The following C3orf22 variants were observed in gnomAD, a reference collection of about 807,000 sequenced individuals.
The protein encoded by C3orf22 is chromosome 3 open reading frame 22, also known as uncharacterized protein C3orf22.
Under a neutral mutation model 10.8 loss-of-function variants are expected in C3orf22, and 7 were observed. That is an observed-to-expected ratio of 0.65 (90% CI 0.37 to 1.22). The LOEUF (loss-of-function observed/expected upper bound fraction) is 1.22. C3orf22 is among the 50% of genes most tolerant of loss of function. The pLI is 0.02. For synonymous variants in C3orf22, 79 were observed against 78.9 expected (o/e 1.00, Z 0.00); for missense variants, 173 against 177.0 (o/e 0.98, Z 0.13).
At chr3:126,548,711 C>A (rs1937111816), downstream of C3orf22, among the ~76,000 whole-genome samples, 1 of 152,114 alleles carries the variant, frequency 6.6e-6, no homozygotes, top group African/African-American at 2.4e-5. Flanking sequence ...ACAGTGCAGC[C>A]CGGTCACCCT....
chr3:126,531,390 C>T lies in C3orf22; in HGVS notation c.287-2018G>A, dbSNP rs113115159. On this transcript the variant is annotated intron_variant and NMD_transcript_variant, in intron 4 of 5. Transcript: ENST00000505070. ...TCTCAAGTGAATAGATTCTTCTTAG[C>T]GACATTTATAGACTCTTCATTTGGT... 9.5e-4 allele frequency among the ~76,000 whole-genome samples: 145 copies of T among 152,348 alleles called. 1 individual carries two copies. Among genetic ancestry groups the T allele is most frequent in the African/African-American group, 3.4e-3 (141 of 41,574 alleles).
In C3orf22 at chr3:126,555,568, T is replaced by C. The variant is rs1330772140; in HGVS notation, c.-40-2138A>G. On this transcript the variant is annotated intron_variant, in intron 1 of 3. Transcript: ENST00000318225. Reference sequence around the variant, plus strand: ...CGCAGGCCCCATTATGAACTGAGCATGTGGGGAATCTAGGCTGCATGCTCC... The same window carrying C: ...CGCAGGCCCCATTATGAACTGAGCACGTGGGGAATCTAGGCTGCATGCTCC... Among the ~76,000 whole-genome samples, 3 of 152,178 alleles carry C rather than the reference T, an allele frequency of 2.0e-5. No individual in the cohort carries two copies. In the East Asian group the frequency reaches 5.8e-4, roughly 29 times the overall value.
At chr3:126,556,947 CAT>C (rs1937357356) in intron 1 of C3orf22, among the ~76,000 whole-genome samples, 1 of 151,490 alleles carries the variant, frequency 6.6e-6, no homozygotes, top group Non-Finnish European at 1.5e-5. Flanking sequence ...CTCACACACT[CAT>C]ACACACAGAC....
intron 4 of C3orf22, chr3:126,542,645 G>T: frequency 2.1e-6 from 3 of 1,400,522 alleles, no homozygotes; most frequent in Non-Finnish European, 2.8e-6. Context: ...GGGAATGCAG[G>T]TGCTGCCGGC....
At chr3:126,542,072 C>G (rs1936971764) in intron 4 of C3orf22, 1 of 1,583,640 alleles carries the variant, frequency 6.3e-7, no homozygotes. Context: ...CCTGTTCGTG[C>G]GGGAGCCCTT....
At chr3:126,538,532 C>T (rs961576318) in intron 4 of C3orf22, among the ~76,000 whole-genome samples, 10 of 152,380 alleles carry the variant, frequency 6.6e-5, no homozygotes, top group African/African-American at 2.4e-4. Context: ...TGAAGCTGGG[C>T]TCATGCCCTG....
intron 4 of C3orf22, among the ~76,000 whole-genome samples, chr3:126,537,357 G>A (rs1936818574): frequency 6.6e-6 from 1 of 152,232 alleles, no homozygotes; most frequent in Non-Finnish European, 1.5e-5. Context: ...AGGCCCTGCA[G>A]GTGTGCAAGG....
chr3:126,547,886 G>A (rs1937095354), downstream of C3orf22, among the ~76,000 whole-genome samples: 1 of 152,118 alleles, frequency 6.6e-6, no homozygotes, highest in South Asian at 2.1e-4. Flanking sequence ...AAAAGAGAAT[G>A]GACACATCAT....
intron 1 of C3orf22, among the ~76,000 whole-genome samples, chr3:126,554,948 C>T (rs745861219): frequency 2.0e-5 from 3 of 152,310 alleles, no homozygotes; most frequent in Middle Eastern, 3.4e-3. Context: ...GCCCTAGGTC[C>T]GTGCTGTCCG....
downstream of C3orf22, among the ~76,000 whole-genome samples, chr3:126,548,795 G>A (rs1385056654): frequency 6.6e-6 from 1 of 152,216 alleles, no homozygotes; most frequent in Non-Finnish European, 1.5e-5. Flanking sequence ...CCTGCCCCCA[G>A]GGCCTGGGAA....
At chr3:126,536,984 G>A (rs1020647975) in intron 4 of C3orf22, among the ~76,000 whole-genome samples, 15 of 152,108 alleles carry the variant, frequency 9.9e-5, no homozygotes, top group Admixed American at 9.8e-4. Context: ...CATGCAGGCT[G>A]TGGTCAGGAT....
At chr3:126,530,684 C>CA (rs576039969) in intron 4 of C3orf22, among the ~76,000 whole-genome samples, 152 of 152,382 alleles carry the variant, frequency 1.0e-3, no homozygotes, top group African/African-American at 3.6e-3. Flanking sequence ...TCTCCCTGCA[C>CA]CAGCATGACC....
At chr3:126,546,370 C>T (rs1425854684), downstream of C3orf22, among the ~76,000 whole-genome samples, 1 of 152,228 alleles carries the variant, frequency 6.6e-6, no homozygotes, top group East Asian at 1.9e-4. Context: ...ACCAAATGCC[C>T]TCAGTGGCTG....
At chr3:126,542,736 TTGGGG>T (rs1936999147) in intron 4 of C3orf22, 1 of 1,169,472 alleles carries the variant, frequency 8.6e-7, no homozygotes, top group Non-Finnish European at 1.1e-6. Flanking sequence ...CTGGCCAGGC[TTGGGG>T]GCAGCCCATC....
At chr3:126,558,248 G>A (rs1937400082) in intron 1 of C3orf22, among the ~76,000 whole-genome samples, 1 of 152,232 alleles carries the variant, frequency 6.6e-6, no homozygotes, top group African/African-American at 2.4e-5. Flanking sequence ...AAAGTTAACT[G>A]ATTTGCCTGC....
chr3:126,555,884 G>C (rs975723782), intron 1 of C3orf22, among the ~76,000 whole-genome samples: 30 of 152,300 alleles, frequency 2.0e-4, no homozygotes, highest in African/African-American at 7.2e-4. Context: ...TCCCTTGATG[G>C]ACAGGGCCAT....
intron 4 of C3orf22, among the ~76,000 whole-genome samples, chr3:126,535,319 GAGAC>G (rs1576752245): frequency 6.7e-6 from 1 of 148,258 alleles, no homozygotes; most frequent in African/African-American, 2.5e-5. Context: ...CCTCAGCCAG[GAGAC>G]AGACAGACAG....
At chr3:126,551,378 G>A (rs1011932135) in intron 3 of C3orf22, among the ~76,000 whole-genome samples, 47 of 152,330 alleles carry the variant, frequency 3.1e-4, no homozygotes, top group African/African-American at 7.9e-4. Flanking sequence ...GCTGTTCCCC[G>A]TGCCGTGCAT....
rs543666655 is a variant in C3orf22 at position 126,532,345 on chromosome 3, A to T, written c.287-2973T>A. On this transcript the variant is annotated intron_variant and NMD_transcript_variant, in intron 4 of 5. Coordinates refer to the C3orf22 transcript ENST00000505070. ...GTCATATCTAATACATCATCACCTA[A>T]TCCAAGGTCATGGAGATTTATGTCG... Among the ~76,000 whole-genome samples the T allele has an allele frequency of 9.2e-5, 14 of 152,344 alleles. No individual in the cohort carries two copies. The South Asian group carries it at 2.7e-3, about 29-fold the overall frequency.
Sources: allele counts gnomAD v4.1 joint callset (sites outside exome capture counted in the v4.1 genomes callset), GRCh38; gene constraint gnomAD v4.1.1; transcripts MANE v1.5; gene names NCBI Gene and HGNC (gene_info 2026-07-23, HGNC 2026-07-21).